SLC2A9: variants seen among roughly 807,000 people sequenced by gnomAD.
SLC2A9 encodes the protein solute carrier family 2, facilitated glucose transporter member 9.
A neutral mutation model predicts 50.6 loss-of-function variants in SLC2A9; 39 were observed. The observed-to-expected ratio is 0.77, with a 90% confidence interval of 0.60 to 1.01. SLC2A9 has a LOEUF of 1.01. Ranked by LOEUF, SLC2A9 falls within the 50% of genes least tolerant of loss-of-function variation. The pLI, the probability that SLC2A9 is intolerant of heterozygous loss-of-function variation, is 0.00. For synonymous variants in SLC2A9, 324 were observed against 276.9 expected, an observed-to-expected ratio of 1.17 and a Z score of -1.69; for missense variants, 686 against 677.6, an observed-to-expected ratio of 1.01 and a Z score of -0.14.
intron 10 of SLC2A9, among the ~76,000 whole-genome samples, chr4:9,841,151 A>G (rs1728018256): frequency 6.6e-6 from 1 of 152,226 alleles, no homozygotes; most frequent in African/African-American, 2.4e-5. Context: ...AGAACATAGC[A>G]TATCCCTTTG....
intron 3 of SLC2A9, among the ~76,000 whole-genome samples, chr4:9,812,671 G>C (rs1054446400): frequency 6.6e-6 from 1 of 152,148 alleles, no homozygotes; most frequent in Admixed American, 6.5e-5. Context: ...TTTAAAGACT[G>C]CTCTAAATTC....
chr4:9,778,101 CTTCCT>C (rs1717822201), downstream of SLC2A9, among the ~76,000 whole-genome samples: 1 of 126,098 alleles, frequency 7.9e-6, no homozygotes, highest in African/African-American at 3.1e-5. Flanking sequence ...TCCTTCCTTC[CTTCCT>C]TCTTTCCTTC....
intron 5 of SLC2A9, among the ~76,000 whole-genome samples, chr4:9,958,122 C>T (rs1356972662): frequency 1.3e-5 from 2 of 152,122 alleles, no homozygotes; most frequent in African/African-American, 4.8e-5. Context: ...TGAAGCAATG[C>T]CTTCAAAATT....
At chr4:9,950,898 A>AC (rs1354304097) in intron 5 of SLC2A9, among the ~76,000 whole-genome samples, 1 of 24,016 alleles carries the variant, frequency 4.2e-5, no homozygotes, top group Non-Finnish European at 6.5e-5. Flanking sequence ...GTCTCAAAAA[A>AC]AAAAAAAAAA....
At chr4:9,834,401 G>T (rs1206866103) in intron 11 of SLC2A9, among the ~76,000 whole-genome samples, 1 of 152,158 alleles carries the variant, frequency 6.6e-6, no homozygotes, top group East Asian at 1.9e-4. Context: ...TACCCAAAAA[G>T]ACTTGTATCT....
At chr4:9,784,043 G>A (rs1183506339) in intron 3 of SLC2A9, 2 of 166,762 alleles carry the variant, frequency 1.2e-5, no homozygotes, top group Non-Finnish European at 2.9e-5. Context: ...TGCTACATTG[G>A]GTTTCAGGAT....
chr4:9,853,935 G>C (rs576577808), intron 10 of SLC2A9, among the ~76,000 whole-genome samples: 6 of 152,132 alleles, frequency 3.9e-5, no homozygotes, highest in African/African-American at 1.4e-4. Flanking sequence ...TAAAGAAATT[G>C]ATTGAAATTA....
chr4:9,871,296 G>A (rs915078679), intron 10 of SLC2A9, among the ~76,000 whole-genome samples: 4 of 152,112 alleles, frequency 2.6e-5, no homozygotes, highest in East Asian at 1.9e-4. Context: ...GGCTATATTC[G>A]TTTTCTAGGG....
intron 3 of SLC2A9, among the ~76,000 whole-genome samples, chr4:9,806,948 C>T (rs930876656): frequency 2.0e-5 from 3 of 152,172 alleles, no homozygotes; most frequent in Non-Finnish European, 4.4e-5. Flanking sequence ...ATACCAAACT[C>T]ATCGATTTCC....
chr4:9,925,142 C>T (rs962841417), intron 6 of SLC2A9, among the ~76,000 whole-genome samples: 4 of 152,236 alleles, frequency 2.6e-5, no homozygotes, highest in African/African-American at 9.7e-5. Flanking sequence ...TCCACATACC[C>T]CCATGGCCTT....
At chr4:10,036,364 A>G (rs1764105045) in intron 1 of SLC2A9, among the ~76,000 whole-genome samples, 1 of 152,232 alleles carries the variant, frequency 6.6e-6, no homozygotes, top group South Asian at 2.1e-4. Context: ...TCAAGATGAA[A>G]AGAGATAGTG....
At position 9,782,813 on chromosome 4, in the gene SLC2A9, C is replaced by T. The variant is rs2227853; in HGVS notation, n.386-2748G>A. 3 of 1,613,716 alleles carry T rather than the reference C, an allele frequency of 1.9e-6. No homozygotes were observed. In the Admixed American group the frequency reaches 5.0e-5, roughly 27 times the overall value. On this transcript the variant is annotated intron_variant and non_coding_transcript_variant, in intron 3 of 3. Transcript: ENST00000503803. The stretch of plus-strand genomic sequence containing the variant: ...GGTGCAGATCCGCAGGATTTCCTCC[C>T]TGGAGAGGGCCGCAGAGCACGCGCA...
chr4:9,896,787 T>C (rs1053470836), intron 8 of SLC2A9, among the ~76,000 whole-genome samples: 1 of 152,368 alleles, frequency 6.6e-6, no homozygotes, highest in South Asian at 2.1e-4. Context: ...CATTTTTCCA[T>C]GTGGATATCT....
At chr4:9,822,794 A>C (rs1179408705), downstream of SLC2A9, among the ~76,000 whole-genome samples, 1 of 152,092 alleles carries the variant, frequency 6.6e-6, no homozygotes, top group African/African-American at 2.4e-5. Context: ...TTTTTCCTTT[A>C]TATTTGATTT....
chr4:9,950,689 C>CTCAAAAAACTAAA (rs1560369819), intron 5 of SLC2A9, among the ~76,000 whole-genome samples: 8,716 of 101,564 alleles, frequency 0.086, 2,543 homozygotes, highest in African/African-American at 0.18. Context: ...ATGGAGAGAT[C>CTCAAAAAACTAAA]GAGACCATCC....
intron 6 of SLC2A9, among the ~76,000 whole-genome samples, chr4:9,927,809 G>A (rs1000805437): frequency 6.6e-6 from 1 of 152,102 alleles, no homozygotes; most frequent in Non-Finnish European, 1.5e-5. Flanking sequence ...TATGTGACTG[G>A]GGATCAGGGC....
chr4:10,008,257 C>A (rs1014074065), intron 2 of SLC2A9, among the ~76,000 whole-genome samples: 1 of 152,196 alleles, frequency 6.6e-6, no homozygotes, highest in African/African-American at 2.4e-5. Context: ...GGCAGGCTGT[C>A]CAGCTCTAAT....
chr4:9,996,909 T>C lies in SLC2A9; in HGVS notation c.282A>G (p.Glu94=). 6.2e-7 allele frequency: 1 copy of C among 1,614,142 alleles called. No individual in the cohort carries two copies. The highest frequency in any genetic ancestry group is 8.5e-7 in the Non-Finnish European group (1 of 1,180,004). Residue 94 remains glutamate (E), a synonymous_variant, in exon 3 of 12, where the codon GAA becomes GAG. Coordinates refer to ENST00000264784, the MANE Select transcript of SLC2A9 (RefSeq NM_020041.3). ...GGTCTATTGGACGTCCATGCCTTCT[T>C]TCCCATGACTCATTGTAAAAGGCCT... The part of the protein sequence containing the change: ...YIKAFYNESW[E]RRHGRPIDPD...
At chr4:10,011,729 A>G (rs1285150879) in intron 2 of SLC2A9, among the ~76,000 whole-genome samples, 1 of 152,258 alleles carries the variant, frequency 6.6e-6, no homozygotes, top group Non-Finnish European at 1.5e-5. Context: ...AATTGGAGCT[A>G]GTCACTGGAA....
Sources: allele counts gnomAD v4.1 joint callset (sites outside exome capture counted in the v4.1 genomes callset), GRCh38; gene constraint gnomAD v4.1.1; transcripts MANE v1.5; gene names NCBI Gene and HGNC (gene_info 2026-07-23, HGNC 2026-07-21).